ENOX1: variants seen among roughly 807,000 people sequenced by gnomAD.
ENOX1 encodes the protein ecto-NOX disulfide-thiol exchanger 1.
A neutral mutation model predicts 82.5 loss-of-function variants in ENOX1; 42 were observed. That is an observed-to-expected ratio of 0.51 (90% CI 0.40 to 0.66). ENOX1 has a LOEUF of 0.66. Among genes scored for constraint, ENOX1 ranks in the 30% least tolerant of loss-of-function variants. The probability of loss-of-function intolerance (pLI) is 0.00; values close to 1 mark genes in which losing one functional copy is unlikely to be tolerated. For missense variants in ENOX1, 608 were observed against 811.6 expected, an observed-to-expected ratio of 0.75 and a Z score of 3.05; for synonymous variants, 271 against 282.2, an observed-to-expected ratio of 0.96 and a Z score of 0.40.
intron 5 of ENOX1, among the ~76,000 whole-genome samples, chr13:43,404,206 G>A (rs2053656884): frequency 6.6e-6 from 1 of 152,180 alleles, no homozygotes; most frequent in Non-Finnish European, 1.5e-5. Flanking sequence ...TAAAACTTCA[G>A]TAGTTTGCAC....
chr13:43,548,987 T>C (rs1341405996), intron 2 of ENOX1, among the ~76,000 whole-genome samples: 1 of 152,250 alleles, frequency 6.6e-6, no homozygotes, highest in East Asian at 1.9e-4. Context: ...TCTCTCCTTT[T>C]GGTGTAAAGC....
intron 5 of ENOX1, among the ~76,000 whole-genome samples, chr13:43,370,307 T>C (rs377763425): frequency 7.9e-5 from 12 of 151,804 alleles, no homozygotes; most frequent in South Asian, 2.1e-4. Flanking sequence ...GCGGAGCTTG[T>C]AGTGAGCCGA....
At chr13:43,487,096 T>C (rs1282090569) in intron 2 of ENOX1, among the ~76,000 whole-genome samples, 1 of 151,260 alleles carries the variant, frequency 6.6e-6, no homozygotes, top group Non-Finnish European at 1.5e-5. Flanking sequence ...TGCTTGAACC[T>C]GGGAGGTGGA....
At chr13:43,674,585 G>A (rs950873207) in intron 1 of ENOX1, among the ~76,000 whole-genome samples, 1 of 152,056 alleles carries the variant, frequency 6.6e-6, no homozygotes, top group South Asian at 2.1e-4. Context: ...GTGGGGGAGG[G>A]AAGGGAGGGA....
At chr13:43,635,451 A>C (rs2083378014) in intron 2 of ENOX1, among the ~76,000 whole-genome samples, 1 of 152,202 alleles carries the variant, frequency 6.6e-6, no homozygotes, top group Non-Finnish European at 1.5e-5. Context: ...GCTGTTTCCT[A>C]TGAAGAAACT....
At chr13:43,225,813 G>GATCT (rs2042000288) in intron 15 of ENOX1, among the ~76,000 whole-genome samples, 1 of 152,204 alleles carries the variant, frequency 6.6e-6, no homozygotes, top group Non-Finnish European at 1.5e-5. Flanking sequence ...GGATGACAGT[G>GATCT]AGATGGGGAG....
chr13:43,316,074 C>T (rs1367799795), intron 11 of ENOX1, among the ~76,000 whole-genome samples: 1 of 152,160 alleles, frequency 6.6e-6, no homozygotes, highest in Admixed American at 6.5e-5. Flanking sequence ...TCCTCATTCT[C>T]CTCCTCTCCC....
rs529991923 is a variant in ENOX1 at position 43,693,058 on chromosome 13, A to G, written c.-284-25514T>C. 2.8e-4 allele frequency among the ~76,000 whole-genome samples: 43 copies of G among 152,278 alleles called. 3 individuals carry two copies. Among genetic ancestry groups the G allele is most frequent in the African/African-American group, 9.9e-4 (41 of 41,586 alleles). On this transcript the variant is annotated intron_variant, in intron 1 of 16. Coordinates refer to ENST00000690772, the MANE Select transcript of ENOX1 (RefSeq NM_001347969.2). ...ATTTTAAAAACTATATTTGAAAACA[A>G]TTTATAACACAGTTGTGTTTTTAAA... is the stretch of plus-strand genomic sequence containing the variant.
intron 9 of ENOX1, among the ~76,000 whole-genome samples, chr13:43,330,314 C>T (rs958942494): frequency 3.3e-5 from 5 of 152,214 alleles, no homozygotes; most frequent in African/African-American, 1.2e-4. Context: ...AGACCTACTC[C>T]CTACCCAATG....
intron 1 of ENOX1, among the ~76,000 whole-genome samples, chr13:43,736,039 T>C (rs1295071701): frequency 1.3e-5 from 2 of 152,206 alleles, no homozygotes; most frequent in African/African-American, 4.8e-5. Context: ...CCTTCTTTCA[T>C]TGATTTTTTT....
At chr13:43,434,002 A>G (rs569758941) in intron 3 of ENOX1, among the ~76,000 whole-genome samples, 1 of 152,354 alleles carries the variant, frequency 6.6e-6, no homozygotes, top group South Asian at 2.1e-4. Context: ...GTGGCCAAGG[A>G]AACCACTAGA....
At chr13:43,238,957 C>T (rs2042683012) in intron 14 of ENOX1, among the ~76,000 whole-genome samples, 1 of 152,080 alleles carries the variant, frequency 6.6e-6, no homozygotes, top group African/African-American at 2.4e-5. Flanking sequence ...AACAGACAGA[C>T]CACCTGAGAA....
rs1425487898 is a variant in ENOX1 at position 43,476,603 on chromosome 13, T to C, written c.-75+7406A>G. Among the ~76,000 whole-genome samples, 8 of 152,190 alleles carry C rather than the reference T, an allele frequency of 5.3e-5. No homozygotes were observed. In the East Asian group the frequency reaches 1.3e-3, roughly 26 times the overall value. On this transcript the variant is annotated intron_variant, in intron 3 of 16. Transcript: ENST00000690772. ...ACCCCTTCTTCCTTCTTTTACTCTC[T>C]CTAGTTTGTCTTTGTTCTGTTTCCC... is the stretch of plus-strand genomic sequence containing the variant.
chr13:43,433,963 G>C (rs906408367), intron 3 of ENOX1, among the ~76,000 whole-genome samples: 2 of 152,212 alleles, frequency 1.3e-5, no homozygotes, highest in Non-Finnish European at 2.9e-5. Flanking sequence ...GTAGAGATGG[G>C]CCAGCAAGAT....
intron 2 of ENOX1, among the ~76,000 whole-genome samples, chr13:43,558,906 T>C (rs113729874): frequency 0.067 from 10,265 of 152,280 alleles, 384 homozygotes; most frequent in Admixed American, 0.096. Flanking sequence ...CCTCTACTTA[T>C]ATCCCCTGCC....
chr13:43,395,235 G>T (rs2053066393), intron 5 of ENOX1, among the ~76,000 whole-genome samples: 1 of 152,236 alleles, frequency 6.6e-6, no homozygotes, highest in Non-Finnish European at 1.5e-5. Context: ...TTATCTCCAG[G>T]GCCGGGTGCA....
intron 15 of ENOX1, among the ~76,000 whole-genome samples, chr13:43,236,343 C>T (rs1393535528): frequency 6.6e-6 from 1 of 152,152 alleles, no homozygotes; most frequent in Non-Finnish European, 1.5e-5. Context: ...TTGGAAGTGA[C>T]ATGCCCAAGC....
chr13:43,716,248 CCTTT>C (rs1332177696), intron 1 of ENOX1, among the ~76,000 whole-genome samples: 3 of 152,076 alleles, frequency 2.0e-5, no homozygotes, highest in African/African-American at 7.2e-5. Flanking sequence ...GTGTGGATGT[CCTTT>C]CTGTTTGTTA....
chr13:43,252,912 A>C (rs2043538423), intron 14 of ENOX1, among the ~76,000 whole-genome samples: 1 of 152,148 alleles, frequency 6.6e-6, no homozygotes, highest in African/African-American at 2.4e-5. Flanking sequence ...AGCTGGGAAG[A>C]GTTTTGAGGT....
Sources: gnomAD v4.1 joint callset for allele counts (sites outside exome capture counted in the v4.1 genomes callset) on GRCh38, gnomAD v4.1.1 for gene constraint, MANE v1.5 for transcripts, NCBI Gene and HGNC (gene_info 2026-07-23, HGNC 2026-07-21) for gene names.